The following DNAJB5 variants were observed in gnomAD, a reference collection of about 807,000 sequenced individuals.
DNAJB5 encodes DnaJ heat shock protein family (Hsp40) member B5, also known as dnaJ homolog subfamily B member 5.
In DNAJB5, 12 loss-of-function variants were observed where a neutral mutation model predicts 32.6. That is an observed-to-expected ratio of 0.37 (90% CI 0.24 to 0.60). The LOEUF (loss-of-function observed/expected upper bound fraction) is 0.60, where lower values mean the gene tolerates loss of function less well. Ranked by LOEUF, DNAJB5 falls within the 20% of genes least tolerant of loss-of-function variation. The probability of loss-of-function intolerance (pLI) is 0.71; values close to 1 mark genes in which losing one functional copy is unlikely to be tolerated. For synonymous variants in DNAJB5, 188 were observed against 212.9 expected (o/e 0.88, Z 1.02); for missense variants, 358 against 554.2 (o/e 0.65, Z 3.55).
chr9:34,995,667 C>T (rs1827770593), intron 3 of DNAJB5, among the ~76,000 whole-genome samples: 1 of 152,234 alleles, frequency 6.6e-6, no homozygotes, highest in Non-Finnish European at 1.5e-5. Flanking sequence ...TCTTCATCTC[C>T]AAGCTAATGA....
At position 34,990,547 on chromosome 9, in the gene DNAJB5, A is replaced by G. The variant is rs1009028374; in HGVS notation, c.-84A>G. On this transcript the variant is annotated 5_prime_UTR_variant, in exon 2 of 5. Coordinates refer to ENST00000682809, the MANE Select transcript of DNAJB5 (RefSeq NM_001349723.3). This position sits in a 1 kb window ranked among gnomAD's most constrained non-coding sequence, Gnocchi z 4.5. ...AGGCCTTGCTGGGCACGCGCCTCTGAGAGTCCAAGGAGGTGGCTTCCAGAG... is the reference window on the plus strand; with the variant it reads ...AGGCCTTGCTGGGCACGCGCCTCTGGGAGTCCAAGGAGGTGGCTTCCAGAG... The G allele has an allele frequency of 3.2e-6, 5 of 1,548,812 alleles. No homozygotes were observed. Among genetic ancestry groups the G allele is most frequent in the East Asian group, 4.9e-5 (2 of 40,910 alleles).
chr9:34,996,818 C>G lies in DNAJB5; in HGVS notation c.981C>G (p.Arg327=). 2 of 1,613,714 alleles carry G rather than the reference C, an allele frequency of 1.2e-6. No individual in the cohort carries two copies. Among genetic ancestry groups the G allele is most frequent in the African/African-American group, 2.7e-5 (2 of 75,066 alleles). ...AAGACAAGCCCCATGCACACTTCCGCCGAGATGGCACCAACGTGCTCTACA... is the reference window on the plus strand; with the variant it reads ...AAGACAAGCCCCATGCACACTTCCGGCGAGATGGCACCAACGTGCTCTACA... ...VLKDKPHAHF[R]RDGTNVLYSA... The change falls in exon 4 of 5, where the codon CGC becomes CGG. Residue 327 remains arginine (R), a synonymous_variant. Transcript: ENST00000682809. This position sits in a 1 kb window ranked among gnomAD's most constrained non-coding sequence, Gnocchi z 7.2.
At position 34,996,506 on chromosome 9, in the gene DNAJB5, G is replaced by C. The variant is rs775229525; in HGVS notation, c.669G>C (p.Arg223Ser). Residue 223 changes from arginine to serine, a missense_variant, in exon 4 of 5, where the codon AGG becomes AGC. Arg to Ser is a moderately radical substitution (Grantham distance 110, BLOSUM62 -1). Around this residue, in one of 2 missense-constraint regions of DNAJB5, gnomAD observed 248 missense variants for 442.6 expected, o/e 0.56. Transcript: ENST00000682809. The surrounding 1 kb of genome is among the most constrained non-coding windows in gnomAD (Gnocchi z 7.2). Reference sequence around the variant, plus strand: ...GTTTTGGCTTCAATGGGCTGAGTAGGGGTCCAAGGCGAGCCCCAGAACCAC... The same window carrying C: ...GTTTTGGCTTCAATGGGCTGAGTAGCGGTCCAAGGCGAGCCCCAGAACCAC... Reference protein sequence around the residue: ...FGRFGFNGLSRGPRRAPEPLY... With the variant: ...FGRFGFNGLSSGPRRAPEPLY... 1.2e-6 allele frequency: 2 copies of C among 1,614,122 alleles called. No individual in the cohort carries two copies. Among genetic ancestry groups the C allele is most frequent in the East Asian group, 2.2e-5 (1 of 44,864 alleles).
In DNAJB5 at chr9:34,996,947, T is replaced by C; in HGVS notation, c.1030-79T>C. On this transcript the variant is annotated intron_variant, in intron 4 of 4. Coordinates refer to ENST00000682809, the MANE Select transcript of DNAJB5 (RefSeq NM_001349723.3). This position sits in a 1 kb window ranked among gnomAD's most constrained non-coding sequence, Gnocchi z 7.2. Reference sequence around the variant, plus strand: ...CTCTTCCCGCCAGCTGGCACATTCTTTCCCCACCTCAGTCTATTTCCTTCC... The same window carrying C: ...CTCTTCCCGCCAGCTGGCACATTCTCTCCCCACCTCAGTCTATTTCCTTCC... The C allele has an allele frequency of 6.3e-7, 1 of 1,590,592 alleles. No individual in the cohort carries two copies.
chr9:34,991,172 A>C, intron 2 of DNAJB5: 1 of 415,998 alleles, frequency 2.4e-6, no homozygotes. Context: ...CTGTACCTCA[A>C]CAGTCCCCCT....
chr9:34,995,216 A>C (rs1047366031), intron 3 of DNAJB5, among the ~76,000 whole-genome samples: 1 of 152,120 alleles, frequency 6.6e-6, no homozygotes, highest in Non-Finnish European at 1.5e-5. Flanking sequence ...ATAAGAGGCT[A>C]ATTTAGGCTC....
In DNAJB5 at chr9:34,996,229, TA is replaced by T; in HGVS notation, c.428-34del. 6.3e-7 allele frequency: 1 copy of T among 1,587,444 alleles called. No individual in the cohort carries two copies. Among genetic ancestry groups the T allele is most frequent in the Non-Finnish European group, 8.6e-7 (1 of 1,165,720 alleles). ...GAAGACACTGGGATTGGGGCCAGAATAAGCCACACTGCCCCTAACTTCTCCT... is the reference window on the plus strand; with the variant it reads ...GAAGACACTGGGATTGGGGCCAGAATAGCCACACTGCCCCTAACTTCTCCT... On this transcript the variant is annotated intron_variant, in intron 3 of 4. Transcript: ENST00000682809. This position sits in a 1 kb window ranked among gnomAD's most constrained non-coding sequence, Gnocchi z 7.2.
rs759113333 is a variant in DNAJB5 at position 34,993,484 on chromosome 9, G to A, written c.427+40G>A. 15 of 1,581,270 alleles carry A rather than the reference G, an allele frequency of 9.5e-6. No individual in the cohort carries two copies. The highest frequency in any genetic ancestry group is 2.7e-5 in the African/African-American group (2 of 72,808). On this transcript the variant is annotated intron_variant, in intron 3 of 4. Transcript: ENST00000682809. The surrounding 1 kb of genome is among the most constrained non-coding windows in gnomAD (Gnocchi z 4.7). ...CTCCAGCCCAATCCCGGACCCCTCC[G>A]CTTGGTAGGGGTCCCAGGTGCACCA... is the stretch of plus-strand genomic sequence containing the variant.
In DNAJB5 at chr9:34,996,619, G is replaced by T. The variant is rs987105197; in HGVS notation, c.782G>T (p.Arg261Leu). Residue 261 changes from arginine to leucine, a missense_variant, in exon 4 of 5, where the codon CGC (arginine) becomes CTC (leucine). Physicochemically the swap from Arg to Leu is moderately radical, Grantham distance 102. Coordinates refer to ENST00000682809, the MANE Select transcript of DNAJB5 (RefSeq NM_001349723.3). The surrounding 1 kb of genome is among the most constrained non-coding windows in gnomAD (Gnocchi z 7.2). ...LEEIYHGSTK[R>L]MKITRRRLNP... ...GAGATCTACCATGGCTCCACCAAGC[G>T]CATGAAGATCACAAGGCGTCGCCTC... The T allele has an allele frequency of 6.2e-7, 1 of 1,614,020 alleles. No homozygotes were observed. The highest frequency in any genetic ancestry group is 1.3e-5 in the African/African-American group (1 of 74,906).
intron 2 of DNAJB5, chr9:34,991,353 T>C (rs761058297): frequency 1.2e-4 from 57 of 456,202 alleles, no homozygotes; most frequent in Admixed American, 5.2e-4. Context: ...AGGAGGCAGA[T>C]CCTGAAAGAG....
chr9:34,993,087 A>G lies in DNAJB5; in HGVS notation c.183-113A>G. On this transcript the variant is annotated intron_variant, in intron 2 of 4. Coordinates refer to ENST00000682809, the MANE Select transcript of DNAJB5 (RefSeq NM_001349723.3). This position sits in a 1 kb window ranked among gnomAD's most constrained non-coding sequence, Gnocchi z 4.7. Reference sequence around the variant, plus strand: ...ATGGGGGGACGCAGGCCCACAGAACAGGCATGACCTGCTGAAGGTTACCCA... The same window carrying G: ...ATGGGGGGACGCAGGCCCACAGAACGGGCATGACCTGCTGAAGGTTACCCA... 6.9e-7 allele frequency: 1 copy of G among 1,459,210 alleles called. No homozygotes were observed. Among genetic ancestry groups the G allele is most frequent in the Non-Finnish European group, 9.0e-7 (1 of 1,110,424 alleles). 90.4% of individuals were successfully genotyped at this position (1,459,210 alleles called of 1,614,324 possible).
At chr9:34,991,621 C>CG (rs201896090) in intron 2 of DNAJB5, 23,563 of 216,304 alleles carry the variant, frequency 0.11, 2,502 homozygotes, top group South Asian at 0.16. Context: ...GACCACCCCC[C>CG]CCCGCTCCCT....
chr9:34,995,629 A>G (rs1345387767), intron 3 of DNAJB5, among the ~76,000 whole-genome samples: 2 of 152,220 alleles, frequency 1.3e-5, no homozygotes, highest in East Asian at 3.8e-4. Context: ...GGAACAAAGC[A>G]TTTAAAAACT....
intron 1 of DNAJB5, 44 bp downstream of exon 1, chr9:34,989,875 G>GGGC: frequency 8.1e-7 from 1 of 1,236,870 alleles, no homozygotes; most frequent in Non-Finnish European, 1.0e-6. Context: ...GGAGCGGGGC[G>GGGC]TCGTGAAGCC....
At chr9:34,995,104 G>A (rs1334120401) in intron 3 of DNAJB5, among the ~76,000 whole-genome samples, 1 of 152,276 alleles carries the variant, frequency 6.6e-6, no homozygotes, top group South Asian at 2.1e-4. Flanking sequence ...AGAGATCCTA[G>A]GTCTTGGGGG....
chr9:34,992,931 G>T, intron 2 of DNAJB5: 1 of 1,308,910 alleles, frequency 7.6e-7, no homozygotes, highest in Non-Finnish European at 9.7e-7. Context: ...CAGGGCCTCA[G>T]CCTAGCCCCA....
Position 34,990,871 on chromosome 9 carries a change from C to A in DNAJB5, c.182+59C>A. ...TACCCAGTCAAACCCTCCACGCGGC[C>A]ATCCCCTCCATTGCCTTCCTGCTTC... On this transcript the variant is annotated intron_variant, in intron 2 of 4. Transcript: ENST00000682809. This position sits in a 1 kb window ranked among gnomAD's most constrained non-coding sequence, Gnocchi z 4.5. 6.7e-7 allele frequency: 1 copy of A among 1,485,004 alleles called. No homozygotes were observed. The highest frequency in any genetic ancestry group is 9.0e-7 in the Non-Finnish European group (1 of 1,109,938). The allele number at this position is 1,485,004 out of a possible 1,614,324, so 92.0% of individuals were successfully genotyped here. A position where few individuals can be genotyped will look rare whatever the true frequency, so the allele number is the denominator to read the frequency against.
At position 34,990,192 on chromosome 9, in the gene DNAJB5, G is replaced by T; in HGVS notation, c.-132-307G>T. 2.2e-6 allele frequency: 2 copies of T among 892,880 alleles called. No individual in the cohort carries two copies. Among genetic ancestry groups the T allele is most frequent in the African/African-American group, 1.8e-5 (1 of 54,872 alleles). The allele number at this position is 892,880 out of a possible 1,614,324, so 55.3% of individuals were successfully genotyped here. ...CTCTCCTCGCCGCGCCTTTTGTCCCGGCCGAGCTCCGCTCTGCCCCGCCCA... is the reference window on the plus strand; with the variant it reads ...CTCTCCTCGCCGCGCCTTTTGTCCCTGCCGAGCTCCGCTCTGCCCCGCCCA... On this transcript the variant is annotated intron_variant, in intron 1 of 4. Transcript: ENST00000682809. The surrounding 1 kb of genome is among the most constrained non-coding windows in gnomAD (Gnocchi z 4.5).
chr9:34,990,760 C>G lies in DNAJB5; in HGVS notation c.130C>G (p.Leu44Val). 1.9e-6 allele frequency: 3 copies of G among 1,551,700 alleles called. No individual in the cohort carries two copies. The highest frequency in any genetic ancestry group is 2.6e-6 in the Non-Finnish European group (3 of 1,146,978). Residue 44 changes from leucine (L) to valine (V), a missense_variant, in exon 2 of 5, where the codon CTG (leucine) becomes GTG (valine). Physicochemically the swap from Leu to Val is conservative, Grantham distance 32 (BLOSUM62 1). Coordinates refer to ENST00000682809, the MANE Select transcript of DNAJB5 (RefSeq NM_001349723.3). The surrounding 1 kb of genome is among the most constrained non-coding windows in gnomAD (Gnocchi z 4.5). ...FLASLMFKIQ[L>V]EPLKLRAWTL... ...AGCCAGCTTGATGTTTAAAATTCAG[C>G]TGGAGCCCTTAAAACTTCGAGCGTG...
Sources: gnomAD v4.1 joint callset for allele counts (sites outside exome capture counted in the v4.1 genomes callset) on GRCh38, gnomAD v4.1.1 for gene constraint, gnomAD v4.1.1 regional missense constraint, Gnocchi (gnomAD v3.1) non-coding constraint, MANE v1.5 for transcripts, NCBI Gene and HGNC (gene_info 2026-07-23, HGNC 2026-07-21) for gene names.